SIGIRR: variants seen among roughly 807,000 people sequenced by gnomAD.
SIGIRR encodes the protein single Ig IL-1-related receptor.
In SIGIRR, 41 loss-of-function variants were observed where a neutral mutation model predicts 45.6. That is an observed-to-expected ratio of 0.90 (90% CI 0.70 to 1.17). The LOEUF (loss-of-function observed/expected upper bound fraction) is 1.17, where lower values mean the gene tolerates loss of function less well. Ranked by LOEUF, SIGIRR falls within the 50% of genes most tolerant of loss-of-function variation. The pLI is 0.00. For missense variants in SIGIRR, 599 were observed against 539.6 expected (o/e 1.11, Z -1.09); for synonymous variants, 298 against 239.0 (o/e 1.25, Z -2.28).
chr11:406,059 C>A lies in SIGIRR; in HGVS notation c.1070G>T (p.Gly357Val). The change falls in exon 10 of 10, where the codon GGT (glycine) becomes GTT (valine). Residue 357 changes from glycine to valine, a missense_variant and splice_region_variant. Coordinates refer to ENST00000431843, the MANE Select transcript of SIGIRR (RefSeq NM_001135054.2). ...CTCTCCAAAGACAGGCCCCCGGACA[C>A]CTGGGGTGGGGAGACCGAGACGCCT... ...EVDPDPEGDL[G>V]VRGPVFGEPS... 4 of 1,574,236 alleles carry A rather than the reference C, an allele frequency of 2.5e-6. No individual in the cohort carries two copies. The highest frequency in any genetic ancestry group is 3.4e-6 in the Non-Finnish European group (4 of 1,161,422).
chr11:411,424 A>G (rs375731765), intron 1 of SIGIRR, among the ~76,000 whole-genome samples: 14 of 6,908 alleles, frequency 2.0e-3, no homozygotes, highest in African/African-American at 7.2e-3. Context: ...ATGTCTGGAT[A>G]CAGTCGGGGA....
At position 405,946 on chromosome 11, in the gene SIGIRR, A is replaced by C. The variant is rs780041836; in HGVS notation, c.1183T>G (p.Tyr395Asp). 6.2e-7 allele frequency: 1 copy of C among 1,610,410 alleles called. No homozygotes were observed. Among genetic ancestry groups the C allele is most frequent in the East Asian group, 2.2e-5 (1 of 44,754 alleles). Reference sequence around the variant, plus strand: ...CAGTAGAAGTCTGTGCGGGCACTGTAGTTTCGCGAGCCGAGATCCGAGACG... The same window carrying C: ...CAGTAGAAGTCTGTGCGGGCACTGTCGTTTCGCGAGCCGAGATCCGAGACG... ...VDVSDLGSRN[Y>D]SARTDFYCLV... Residue 395 changes from tyrosine (Y) to aspartate (D), a missense_variant, in exon 10 of 10, where the codon TAC (tyrosine) becomes GAC (aspartate). Transcript: ENST00000431843.
chr11:416,862 C>T (rs1303343938), upstream of SIGIRR, among the ~76,000 whole-genome samples: 9 of 152,082 alleles, frequency 5.9e-5, no homozygotes, highest in Non-Finnish European at 1.0e-4. This position sits in a 1 kb window ranked among gnomAD's most constrained non-coding sequence, Gnocchi z 9.1. Flanking sequence ...TCGGGGCGCT[C>T]GGCCGGGGCA....
intron 2 of SIGIRR, chr11:409,223 C>G: frequency 2.1e-6 from 1 of 469,940 alleles, no homozygotes; most frequent in Middle Eastern, 3.1e-4. Flanking sequence ...GCACCTGTTG[C>G]CCACCCCTGG....
intron 2 of SIGIRR, 184 bp from the exon 3 acceptor site, chr11:409,077 C>T (rs1208138494): frequency 3.2e-6 from 2 of 633,626 alleles, no homozygotes. Flanking sequence ...AGTGGCCAGG[C>T]TTTGGGTGTT....
chr11:408,341 A>C, intron 3 of SIGIRR, 135 bp from the exon 4 acceptor site: 1 of 1,199,046 alleles, frequency 8.3e-7, no homozygotes, highest in Non-Finnish European at 1.2e-6. Flanking sequence ...AGCCAAGAGA[A>C]GTGACCTGAA....
intron 6 of SIGIRR, 95 bp downstream of exon 6, chr11:407,330 C>A (rs1211555866): frequency 5.5e-6 from 5 of 914,662 alleles, no homozygotes; most frequent in Non-Finnish European, 7.2e-6. Context: ...GGGCGGAGCT[C>A]GATGGTGGGG....
chr11:406,466 C>T lies in SIGIRR; in HGVS notation c.952G>A (p.Gly318Arg). ...PRKVQYRPVEGDPQTQLQDDK... is the reference protein window; with the variant it reads ...PRKVQYRPVERDPQTQLQDDK... The stretch of plus-strand genomic sequence containing the variant: ...TCCTGCAGCTGCGTCTGGGGGTCTC[C>T]TTCCACAGGCCTGTACTGCACCTTC... Residue 318 changes from glycine to arginine, a missense_variant, in exon 9 of 10, where the codon GGA becomes AGA. Coordinates refer to ENST00000431843, the MANE Select transcript of SIGIRR (RefSeq NM_001135054.2). 3 of 1,612,668 alleles carry T rather than the reference C, an allele frequency of 1.9e-6. No individual in the cohort carries two copies. The highest frequency in any genetic ancestry group is 3.3e-5 in the Admixed American group (2 of 60,028).
At chr11:411,564 G>C (rs1269183543) in intron 1 of SIGIRR, among the ~76,000 whole-genome samples, 5 of 92,310 alleles carry the variant, frequency 5.4e-5, no homozygotes, top group Admixed American at 2.2e-4. Context: ...GGGGAGGGGG[G>C]TGCCCAGCTC....
At chr11:410,324 C>T (rs1847528937) in intron 1 of SIGIRR, among the ~76,000 whole-genome samples, 1 of 152,116 alleles carries the variant, frequency 6.6e-6, no homozygotes, top group Non-Finnish European at 1.5e-5. Context: ...TAGGTGGGAC[C>T]CTGTCTCCCG....
Position 407,060 on chromosome 11 carries a change from A to G in SIGIRR, c.728+2T>C. 6.3e-7 allele frequency: 1 copy of G among 1,578,024 alleles called. No individual in the cohort carries two copies. Among genetic ancestry groups the G allele is most frequent in the Non-Finnish European group, 8.6e-7 (1 of 1,168,214 alleles). ...GCCCACCCAACCCCGCGCGGGACCC[A>G]CCGGAAGCTGTGGCTGCACCAGGCC... On this transcript the variant is annotated splice_donor_variant, in intron 7 of 9. Transcript: ENST00000431843. LOFTEE classifies it high-confidence loss of function.
At chr11:407,366 T>TGGGACGGAGCATGGGGC in intron 6 of SIGIRR, 59 bp downstream of exon 6, 1 of 1,221,346 alleles carries the variant, frequency 8.2e-7, no homozygotes, top group Non-Finnish European at 1.1e-6. Flanking sequence ...GGACGGAGCA[T>TGGGACGGAGCATGGGGC]GGGGCGGGGC....
upstream of SIGIRR, among the ~76,000 whole-genome samples, chr11:416,695 G>C (rs983603498): frequency 6.6e-5 from 10 of 152,218 alleles, no homozygotes; most frequent in South Asian, 2.1e-4. This position sits in a 1 kb window ranked among gnomAD's most constrained non-coding sequence, Gnocchi z 9.1. Flanking sequence ...CCCAGCGCCT[G>C]TCCTGAAGCA....
chr11:409,689 A>T, intron 2 of SIGIRR, 179 bp downstream of exon 2: 1 of 572,426 alleles, frequency 1.7e-6, no homozygotes. Flanking sequence ...CATCCTCACC[A>T]CTCGCCCTGG....
In SIGIRR at chr11:407,943, C is replaced by T. The variant is rs199664141; in HGVS notation, c.355G>A (p.Val119Met). ...TLQRAGPTSH[V>M]AAVLASLLVL... is the part of the protein sequence containing the mutation. The stretch of plus-strand genomic sequence containing the variant: ...AGGAGGGAGGCCAGCACCGCAGCCA[C>T]GTGGCTTGTAGGGCCTGCGGATGGG... The change falls in exon 5 of 10, where the codon GTG (valine) becomes ATG (methionine). Residue 119 changes from valine (V) to methionine (M), a missense_variant. Val to Met is a conservative substitution (Grantham distance 21). Coordinates refer to ENST00000431843, the MANE Select transcript of SIGIRR (RefSeq NM_001135054.2). 9 of 1,609,476 alleles carry T rather than the reference C, an allele frequency of 5.6e-6. No homozygotes were observed. The highest frequency in any genetic ancestry group is 2.2e-5 in the South Asian group (2 of 90,722).
In SIGIRR at chr11:407,091, CAGGAAGGCG is replaced by C; in HGVS notation, c.690_698del (p.Asp230_Leu233delinsGlu). 1 of 1,578,114 alleles carries C rather than the reference CAGGAAGGCG, an allele frequency of 6.3e-7. No homozygotes were observed. The highest frequency in any genetic ancestry group is 1.2e-5 in the South Asian group (1 of 86,732). ...AGCTGTGGCTGCACCAGGCCCGGCT[CAGGAAGGCG>C]TCCGAAAGCACCACGATGAGGCGTC... On this transcript the variant is annotated inframe_deletion, in exon 7 of 10. Transcript: ENST00000431843.
chr11:406,723 G>A (rs1847325121), intron 8 of SIGIRR, 120 bp downstream of exon 8: 11 of 1,417,846 alleles, frequency 7.8e-6, no homozygotes, highest in Non-Finnish European at 9.2e-6. Flanking sequence ...CTCCCCCCAG[G>A]GCCCATTCAC....
chr11:413,866 G>A (rs12806542), intron 1 of SIGIRR, among the ~76,000 whole-genome samples: 31 of 55,894 alleles, frequency 5.5e-4, no homozygotes, highest in East Asian at 1.0e-3. Context: ...TCCTCTGCCT[G>A]CCTCCCCCTG....
rs544450549 is a variant in SIGIRR at position 414,870 on chromosome 11, G to C, written c.-201C>G. 1.5e-5 allele frequency: 15 copies of C among 985,524 alleles called. No individual in the cohort carries two copies. The African/African-American group carries it at 2.1e-4, about 14-fold the overall frequency. The allele number at this position is 985,524 out of a possible 1,614,324, so 61.0% of individuals were successfully genotyped here. ...GGGGGCAAATGTTGGTCATTGGTGCGCCTTTGGGAGCAAACTCTCCCCTTC... is the reference window on the plus strand; with the variant it reads ...GGGGGCAAATGTTGGTCATTGGTGCCCCTTTGGGAGCAAACTCTCCCCTTC... On this transcript the variant is annotated 5_prime_UTR_variant, in exon 1 of 10. Transcript: ENST00000431843.
Sources: allele counts gnomAD v4.1 joint callset (sites outside exome capture counted in the v4.1 genomes callset), GRCh38; gene constraint gnomAD v4.1.1; non-coding constraint Gnocchi (gnomAD v3.1); transcripts MANE v1.5; gene names NCBI Gene and HGNC (gene_info 2026-07-23, HGNC 2026-07-21).